IL1RAPL2: variants seen among roughly 807,000 people sequenced by gnomAD.
IL1RAPL2 encodes interleukin 1 receptor accessory protein like 2, also known as X-linked interleukin-1 receptor accessory protein-like 2.
IL1RAPL2 carries 3 observed loss-of-function variants against 44.1 expected under a neutral mutation model. The observed-to-expected ratio is 0.07, with a 90% CI of 0.03 to 0.18. IL1RAPL2 has a LOEUF of 0.18. Among genes scored for constraint, IL1RAPL2 ranks in the 10% least tolerant of loss-of-function variants. IL1RAPL2 has a pLI of 1.00. For missense variants in IL1RAPL2, 391 were observed against 496.4 expected, an observed-to-expected ratio of 0.79 and a Z score of 2.02; for synonymous variants, 181 against 178.8, an observed-to-expected ratio of 1.01 and a Z score of -0.10.
chrX:104,902,872 A>G (rs956639012), intron 2 of IL1RAPL2, among the ~76,000 whole-genome samples: 1 of 111,824 alleles, frequency 8.9e-6, no homozygotes, highest in South Asian at 3.7e-4. Context: ...AAAAGAAAAA[A>G]ATTATAAATT....
intron 2 of IL1RAPL2, among the ~76,000 whole-genome samples, chrX:105,042,535 C>T (rs1401657869): frequency 9.3e-6 from 1 of 107,163 alleles, no homozygotes; most frequent in Non-Finnish European, 1.9e-5. Flanking sequence ...GAGATACCAC[C>T]TCACACCAGT....
At position 105,191,487 on chromosome X, in the gene IL1RAPL2, T is replaced by A. The variant is rs189288644; in HGVS notation, c.83-3988T>A. Among the ~76,000 whole-genome samples, 421 of 112,051 alleles carry A rather than the reference T, an allele frequency of 3.8e-3. 4 individuals are homozygous for A. Among genetic ancestry groups the A allele is most frequent in the African/African-American group, 0.013 (395 of 30,850 alleles). Reference sequence around the variant, plus strand: ...ACCTCAGCCTCCCAGAATGCTGGGATTACAGCTGTGAGCCACTGCACCCGG... The same window carrying A: ...ACCTCAGCCTCCCAGAATGCTGGGAATACAGCTGTGAGCCACTGCACCCGG... On this transcript the variant is annotated intron_variant, in intron 2 of 10. Transcript: ENST00000372582.
chrX:104,906,184 T>G (rs1425056419), intron 2 of IL1RAPL2, among the ~76,000 whole-genome samples: 1 of 111,635 alleles, frequency 9.0e-6, no homozygotes, highest in African/African-American at 3.3e-5. Flanking sequence ...AAGTTGCTTA[T>G]CAGCTTGAGG....
chrX:105,669,707 G>T (rs2037801004), intron 6 of IL1RAPL2, among the ~76,000 whole-genome samples: 1 of 110,071 alleles, frequency 9.1e-6, no homozygotes, highest in African/African-American at 3.3e-5. Flanking sequence ...TCATAACACA[G>T]AACAGTTCTA....
chrX:104,975,010 G>T (rs1351889195), intron 2 of IL1RAPL2, among the ~76,000 whole-genome samples: 1 of 112,171 alleles, frequency 8.9e-6, no homozygotes. Flanking sequence ...TGCAGAGGCA[G>T]GGGGATTAAA....
intron 6 of IL1RAPL2, among the ~76,000 whole-genome samples, chrX:105,520,617 A>G (rs1361199548): frequency 9.0e-6 from 1 of 111,234 alleles, no homozygotes; most frequent in Admixed American, 9.6e-5. Flanking sequence ...GGCCCACCCA[A>G]TTTCAAAAAT....
chrX:105,312,203 G>A (rs1359411893), intron 5 of IL1RAPL2, among the ~76,000 whole-genome samples: 1 of 111,646 alleles, frequency 9.0e-6, no homozygotes, highest in Non-Finnish European at 1.9e-5. Context: ...TTATGGAATG[G>A]ATGGAAAGAA....
At chrX:105,030,470 C>A (rs1434295316) in intron 2 of IL1RAPL2, among the ~76,000 whole-genome samples, 1 of 111,904 alleles carries the variant, frequency 8.9e-6, no homozygotes, top group Non-Finnish European at 1.9e-5. Flanking sequence ...ATATGGCTAG[C>A]CAGTTATCCC....
At chrX:104,618,923 C>G (rs574549258) in intron 1 of IL1RAPL2, among the ~76,000 whole-genome samples, 1 of 111,505 alleles carries the variant, frequency 9.0e-6, no homozygotes, top group East Asian at 2.9e-4. Flanking sequence ...AGAGAGTGCC[C>G]TTGAGTGATA....
chrX:105,199,139 C>T (rs1299429832), intron 3 of IL1RAPL2, among the ~76,000 whole-genome samples: 3 of 110,627 alleles, frequency 2.7e-5, no homozygotes, highest in Non-Finnish European at 5.7e-5. Context: ...TTATGTGTTC[C>T]ATCATTTATT....
At chrX:105,645,327 A>G (rs1388930519) in intron 6 of IL1RAPL2, among the ~76,000 whole-genome samples, 2 of 111,236 alleles carry the variant, frequency 1.8e-5, no homozygotes, top group Non-Finnish European at 3.8e-5. Context: ...CTCCCAATAC[A>G]CTGTCATTTT....
intron 2 of IL1RAPL2, among the ~76,000 whole-genome samples, chrX:105,052,909 T>G (rs752998146): frequency 1.1e-4 from 12 of 110,873 alleles, no homozygotes; most frequent in South Asian, 3.9e-4. Context: ...CAGTGTGTTG[T>G]TCCCCTCTCT....
At chrX:104,761,250 G>T (rs957992015) in intron 2 of IL1RAPL2, among the ~76,000 whole-genome samples, 2 of 111,333 alleles carry the variant, frequency 1.8e-5, no homozygotes, top group Non-Finnish European at 3.8e-5. Context: ...GGAAGGGGAA[G>T]CAAACATATC....
intron 2 of IL1RAPL2, among the ~76,000 whole-genome samples, chrX:104,698,639 C>T (rs1931219094): frequency 8.9e-6 from 1 of 111,993 alleles, no homozygotes; most frequent in Non-Finnish European, 1.9e-5. Context: ...AGGAAAATGC[C>T]TTCGGAAAGC....
At chrX:105,531,707 T>C (rs1051184476) in intron 6 of IL1RAPL2, among the ~76,000 whole-genome samples, 29 of 112,168 alleles carry the variant, frequency 2.6e-4, no homozygotes, top group African/African-American at 8.8e-4. Context: ...ATTTAAATAC[T>C]TAATCCATTT....
chrX:105,713,537 A>C (rs748604264), intron 6 of IL1RAPL2, among the ~76,000 whole-genome samples: 1 of 111,375 alleles, frequency 9.0e-6, no homozygotes, highest in Non-Finnish European at 1.9e-5. Context: ...CCATGATCCA[A>C]TCATCCCCCA....
chrX:104,765,445 G>C (rs964466270), intron 2 of IL1RAPL2, among the ~76,000 whole-genome samples: 1 of 111,796 alleles, frequency 8.9e-6, no homozygotes, highest in East Asian at 2.8e-4. Context: ...TTTCTAAAAT[G>C]TTCCACTTTG....
intron 2 of IL1RAPL2, among the ~76,000 whole-genome samples, chrX:105,115,873 C>T (rs969908653): frequency 8.9e-6 from 1 of 112,950 alleles, no homozygotes; most frequent in Non-Finnish European, 1.9e-5. Context: ...GGCATGGGGG[C>T]GCTGCAGGTC....
intron 5 of IL1RAPL2, among the ~76,000 whole-genome samples, chrX:105,332,695 A>C (rs1364722646): frequency 8.9e-6 from 1 of 112,279 alleles, no homozygotes; most frequent in African/African-American, 3.2e-5. Context: ...CAACACACAA[A>C]AATCAGTAGC....
Sources: allele counts gnomAD v4.1 joint callset (sites outside exome capture counted in the v4.1 genomes callset), GRCh38; gene constraint gnomAD v4.1.1; transcripts MANE v1.5; gene names NCBI Gene and HGNC (gene_info 2026-07-23, HGNC 2026-07-21).